KANSL1: variants seen among roughly 807,000 people sequenced by gnomAD.
KANSL1 encodes KAT8 regulatory NSL complex subunit 1.
KANSL1 carries 22 observed loss-of-function variants against 103.6 expected under a neutral mutation model. The observed-to-expected ratio is 0.21, with a 90% CI of 0.15 to 0.30. The LOEUF is 0.30. Among genes scored for constraint, KANSL1 ranks in the 10% least tolerant of loss-of-function variants. KANSL1 has a pLI of 1.00. For synonymous variants in KANSL1, 600 were observed against 527.6 expected, an observed-to-expected ratio of 1.14 and a Z score of -1.88; for missense variants, 1,337 against 1,399.8, an observed-to-expected ratio of 0.96 and a Z score of 0.72.
chr17:46,206,113 T>C (rs2732670), intron 1 of KANSL1, among the ~76,000 whole-genome samples: 21,710 of 141,474 alleles, frequency 0.15, 2,210 homozygotes, highest in Middle Eastern at 0.24. Context: ...AAAGGAAAGA[T>C]ATCCCATGTT....
intron 2 of KANSL1, among the ~76,000 whole-genome samples, chr17:46,136,228 T>A (rs558349866): frequency 9.8e-5 from 15 of 152,324 alleles, no homozygotes; most frequent in Middle Eastern, 3.4e-3. Context: ...AATTTTAAAA[T>A]GAGAATTCCT....
chr17:46,065,663 G>T (rs62060796), intron 6 of KANSL1, among the ~76,000 whole-genome samples: 21,798 of 152,004 alleles, frequency 0.14, 2,130 homozygotes, highest in Non-Finnish European at 0.22. Context: ...CAAACCCAAG[G>T]TTATCATCTT....
chr17:46,176,098 C>A (rs967056601), intron 1 of KANSL1, among the ~76,000 whole-genome samples: 1 of 152,184 alleles, frequency 6.6e-6, no homozygotes, highest in African/African-American at 2.4e-5. Flanking sequence ...ATTATCAGTG[C>A]CAGATGATTA....
At chr17:46,132,530 C>A (rs1218589192) in intron 2 of KANSL1, among the ~76,000 whole-genome samples, 2 of 152,216 alleles carry the variant, frequency 1.3e-5, no homozygotes, top group African/African-American at 2.4e-5. Context: ...ACTCCAGACC[C>A]ACTGAATCAT....
chr17:46,053,926 CAACAAGA>C (rs2077820886), intron 6 of KANSL1, among the ~76,000 whole-genome samples: 1 of 151,940 alleles, frequency 6.6e-6, no homozygotes, highest in South Asian at 2.1e-4. Flanking sequence ...AGTTAAAAAA[CAACAAGA>C]ACACATACAA....
intron 2 of KANSL1, among the ~76,000 whole-genome samples, chr17:46,165,674 C>A (rs1412164156): frequency 1.3e-5 from 2 of 151,536 alleles, no homozygotes; most frequent in African/African-American, 4.9e-5. Context: ...CCACGCCTGG[C>A]TAATTTTTGA....
intron 1 of KANSL1, among the ~76,000 whole-genome samples, chr17:46,220,203 G>C (rs1343373966): frequency 2.6e-5 from 4 of 152,196 alleles, no homozygotes; most frequent in African/African-American, 4.8e-5. Flanking sequence ...GAAGGATTGA[G>C]ATGCTGTTCT....
chr17:46,099,051 C>T (rs1189570369), intron 2 of KANSL1, among the ~76,000 whole-genome samples: 1 of 112,778 alleles, frequency 8.9e-6, no homozygotes, highest in African/African-American at 2.6e-5. Context: ...CGGCCGGGCG[C>T]GGTGGCTCAC....
chr17:46,208,478 C>T (rs2696461), intron 1 of KANSL1, among the ~76,000 whole-genome samples: 81,019 of 150,802 alleles, frequency 0.54, 21,970 homozygotes, highest in East Asian at 0.89. Flanking sequence ...CCAGGTGTGG[C>T]AGTGCACACC....
intron 1 of KANSL1, among the ~76,000 whole-genome samples, chr17:46,215,728 G>A (rs1363277900): frequency 6.6e-6 from 1 of 152,116 alleles, no homozygotes; most frequent in African/African-American, 2.4e-5. Context: ...CTGGGGAAGT[G>A]GATAAGATCA....
At chr17:46,173,122 G>A (rs961322542) in intron 1 of KANSL1, among the ~76,000 whole-genome samples, 3 of 152,092 alleles carry the variant, frequency 2.0e-5, no homozygotes, top group Non-Finnish European at 2.9e-5. Flanking sequence ...GGACAATACC[G>A]ACCTTCTTCT....
chr17:46,186,001 A>C (rs1192985732), intron 1 of KANSL1, among the ~76,000 whole-genome samples: 1 of 152,164 alleles, frequency 6.6e-6, no homozygotes, highest in Non-Finnish European at 1.5e-5. Context: ...TTTTTATCAT[A>C]TCTCTTTCCA....
At chr17:46,062,114 CAAACAAAAAAA>C (rs2078189657) in intron 6 of KANSL1, among the ~76,000 whole-genome samples, 3 of 37,126 alleles carry the variant, frequency 8.1e-5, no homozygotes, top group Non-Finnish European at 1.9e-4. Flanking sequence ...AAAAAACAAA[CAAACAAAAAAA>C]AAAAAAAAAC....
intron 6 of KANSL1, among the ~76,000 whole-genome samples, chr17:46,054,348 C>G (rs1275854481): frequency 6.6e-6 from 1 of 152,202 alleles, no homozygotes; most frequent in East Asian, 1.9e-4. Context: ...GCCATCGCGA[C>G]CGGTCCCAGT....
intron 2 of KANSL1, among the ~76,000 whole-genome samples, chr17:46,126,969 GAAC>G (rs2043592525): frequency 6.6e-6 from 1 of 152,200 alleles, no homozygotes; most frequent in African/African-American, 2.4e-5. Context: ...AGCTAATAAA[GAAC>G]AACAGAGGGG....
At chr17:46,194,294 C>A (rs2047529259), upstream of KANSL1, among the ~76,000 whole-genome samples, 1 of 152,258 alleles carries the variant, frequency 6.6e-6, no homozygotes, top group African/African-American at 2.4e-5. Context: ...CCTGCCGCCA[C>A]CAAAAGGAAG....
intron 4 of KANSL1, among the ~76,000 whole-genome samples, chr17:46,070,187 T>C (rs946182121): frequency 6.6e-6 from 1 of 152,202 alleles, no homozygotes; most frequent in African/African-American, 2.4e-5. Flanking sequence ...TGCAATGATA[T>C]CTATCAATAA....
chr17:46,127,007 T>C (rs2016730), intron 2 of KANSL1, among the ~76,000 whole-genome samples: 23,567 of 151,938 alleles, frequency 0.16, 2,658 homozygotes, highest in East Asian at 0.42. Context: ...CAACAGGTAA[T>C]TTACAACTGG....
At chr17:46,133,690 T>C (rs2043980807) in intron 2 of KANSL1, among the ~76,000 whole-genome samples, 3 of 152,226 alleles carry the variant, frequency 2.0e-5, no homozygotes, top group Admixed American at 2.0e-4. Flanking sequence ...GTTAAAAGTT[T>C]GATTCGAAAA....
Sources: gnomAD v4.1 joint callset for allele counts (sites outside exome capture counted in the v4.1 genomes callset) on GRCh38, gnomAD v4.1.1 for gene constraint, MANE v1.5 for transcripts, NCBI Gene and HGNC (gene_info 2026-07-23, HGNC 2026-07-21) for gene names.